The following ACTA2 variants were observed in gnomAD, a reference collection of about 807,000 sequenced individuals.
ACTA2 encodes the protein actin, aortic smooth muscle.
A neutral mutation model predicts 39.5 loss-of-function variants in ACTA2; 12 were observed. The observed-to-expected ratio is 0.30, with a 90% CI of 0.19 to 0.49. ACTA2 has a LOEUF of 0.49. ACTA2 is among the 20% of genes least tolerant of loss of function. The pLI is 0.99. For missense variants in ACTA2, 236 were observed against 498.8 expected, an observed-to-expected ratio of 0.47 and a Z score of 5.02; for synonymous variants, 158 against 180.6, an observed-to-expected ratio of 0.88 and a Z score of 1.00.
intron 3 of ACTA2, chr10:88,946,850 G>A (rs1185747680): frequency 4.0e-5 from 8 of 202,208 alleles, no homozygotes; most frequent in East Asian, 2.4e-4. Context: ...CCATTAACTC[G>A]TCATTTACAT....
chr10:88,984,033 G>A (rs1438518145), intron 1 of ACTA2, among the ~76,000 whole-genome samples: 1 of 152,046 alleles, frequency 6.6e-6, no homozygotes, highest in Non-Finnish European at 1.5e-5. Context: ...GGTTTCAGAT[G>A]GTAAAATGCC....
Position 88,935,302 on chromosome 10 carries a change from G to A in ACTA2, c.1055C>T (p.Ser352Phe). The A allele has an allele frequency of 6.2e-7, 1 of 1,613,998 alleles. No homozygotes were observed. The highest frequency in any genetic ancestry group is 1.1e-5 in the South Asian group (1 of 91,074). The change falls in exon 9 of 9, where the codon TCC becomes TTC. Residue 352 changes from serine (S) to phenylalanine (F), a missense_variant. Ser to Phe is a radical substitution (Grantham distance 155). Coordinates refer to ENST00000224784, the MANE Select transcript of ACTA2 (RefSeq NM_001613.4). ...WIGGSILASL[S>F]TFQQMWISKQ... ...GCTGATCCACATCTGCTGGAAGGTG[G>A]ACAGAGAGGCCAGGATGGAGCCACC... is the stretch of plus-strand genomic sequence containing the variant.
intron 1 of ACTA2, among the ~76,000 whole-genome samples, chr10:88,958,927 G>C (rs753672521): frequency 2.3e-4 from 35 of 152,130 alleles, no homozygotes; most frequent in Non-Finnish European, 4.6e-4. Flanking sequence ...TTGATTATTT[G>C]AATCATCACC....
At chr10:88,974,161 T>C (rs1846512037) in intron 1 of ACTA2, 1 of 152,028 alleles carries the variant, frequency 6.6e-6, no homozygotes, top group Non-Finnish European at 1.5e-5. Flanking sequence ...TCTTAAATTT[T>C]AAAACTAGAA....
At chr10:88,953,040 C>T (rs1288665741), upstream of ACTA2, among the ~76,000 whole-genome samples, 1 of 152,220 alleles carries the variant, frequency 6.6e-6, no homozygotes, top group Non-Finnish European at 1.5e-5. Flanking sequence ...TGCAGAAATG[C>T]CCAGAGACAC....
chr10:88,962,289 G>A (rs1292576638), intron 1 of ACTA2, among the ~76,000 whole-genome samples: 1 of 152,192 alleles, frequency 6.6e-6, no homozygotes, highest in Non-Finnish European at 1.5e-5. Flanking sequence ...AATGTTTGCT[G>A]TGGGTCTTCA....
chr10:88,980,576 C>T (rs1485608925), intron 1 of ACTA2, among the ~76,000 whole-genome samples: 1 of 152,174 alleles, frequency 6.6e-6, no homozygotes, highest in Non-Finnish European at 1.5e-5. Context: ...TACTGCTATT[C>T]CCTGAGGCCT....
intron 1 of ACTA2, chr10:88,989,416 AGAGAATGC>A: frequency 2.0e-6 from 1 of 505,656 alleles, no homozygotes; most frequent in South Asian, 1.5e-5. Context: ...GAGATAATAC[AGAGAATGC>A]CCATATACCA....
chr10:88,944,986 T>G (rs1845919817), intron 3 of ACTA2, among the ~76,000 whole-genome samples: 1 of 152,208 alleles, frequency 6.6e-6, no homozygotes, highest in East Asian at 1.9e-4. Flanking sequence ...TCTTTTGTTT[T>G]GGATTTGTGG....
rs533216598 is a variant in ACTA2, at chr10:88,991,013, C to G, written c.-98G>C. 17 of 1,498,380 alleles carry G rather than the reference C, an allele frequency of 1.1e-5. No individual in the cohort carries two copies. The South Asian group carries it at 1.7e-4, about 15-fold the overall frequency. 92.8% of individuals were successfully genotyped at this position (1,498,380 alleles called of 1,614,324 possible). A position where few individuals can be genotyped will look rare whatever the true frequency, so the allele number is the denominator to read the frequency against. ...GCGGGATTGCGGCGGCAGCGGCGCA[C>G]GCGGGCACCTGGGAGCGGCGGGCTG... is the stretch of plus-strand genomic sequence containing the variant. On this transcript the variant is annotated 5_prime_UTR_variant, in exon 1 of 5. Coordinates refer to the ACTA2 transcript ENST00000415557.
intron 7 of ACTA2, 53 bp from the exon 8 acceptor site, chr10:88,938,295 A>C: frequency 2.5e-6 from 4 of 1,588,242 alleles, no homozygotes; most frequent in Non-Finnish European, 3.5e-6. Flanking sequence ...AACCCAGGCT[A>C]GACATGGAAG....
rs759174021 is a variant in ACTA2, at chr10:88,990,836, G to A, written c.-24+103C>T. On this transcript the variant is annotated intron_variant, in intron 1 of 4. Coordinates refer to the ACTA2 transcript ENST00000415557. This position sits in a 1 kb window ranked among gnomAD's most constrained non-coding sequence, Gnocchi z 4.9. ...GGTTGGTGGACCCGCTCAGTACGGAGTTGGGGAAGCTCTTTCACTTCGGAG... is the reference window on the plus strand; with the variant it reads ...GGTTGGTGGACCCGCTCAGTACGGAATTGGGGAAGCTCTTTCACTTCGGAG... 6.2e-7 allele frequency: 1 copy of A among 1,614,218 alleles called. No homozygotes were observed. Among genetic ancestry groups the A allele is most frequent in the South Asian group, 1.1e-5 (1 of 91,090 alleles).
At chr10:88,962,779 A>G (rs1158579633) in intron 1 of ACTA2, among the ~76,000 whole-genome samples, 1 of 151,594 alleles carries the variant, frequency 6.6e-6, no homozygotes, top group Non-Finnish European at 1.5e-5. Context: ...GGTAACTTAT[A>G]AAGGAAAGAG....
chr10:88,953,778 C>T (rs905651126), upstream of ACTA2, among the ~76,000 whole-genome samples: 1 of 152,160 alleles, frequency 6.6e-6, no homozygotes, highest in Non-Finnish European at 1.5e-5. Context: ...CTCACGATAT[C>T]TGATGGTTTT....
chr10:88,977,471 T>C (rs1300135959), intron 1 of ACTA2, among the ~76,000 whole-genome samples: 2 of 152,090 alleles, frequency 1.3e-5, no homozygotes, highest in Non-Finnish European at 2.9e-5. Context: ...ATCAGATAGT[T>C]GTAGATATGC....
intron 1 of ACTA2, among the ~76,000 whole-genome samples, chr10:88,988,159 C>T (rs970658931): frequency 9.9e-5 from 15 of 152,132 alleles, no homozygotes; most frequent in African/African-American, 3.4e-4. Flanking sequence ...AGAACCCTGA[C>T]TAAAAGAACC....
At chr10:88,950,669 T>C (rs768971317) in intron 1 of ACTA2, among the ~76,000 whole-genome samples, 1 of 152,196 alleles carries the variant, frequency 6.6e-6, no homozygotes, top group African/African-American at 2.4e-5. Context: ...CAGATCACAG[T>C]GATTATGAGC....
intron 1 of ACTA2, among the ~76,000 whole-genome samples, chr10:88,979,569 C>A (rs1237234359): frequency 4.6e-5 from 7 of 152,026 alleles, no homozygotes; most frequent in South Asian, 2.1e-4. Flanking sequence ...CACACTAGGG[C>A]TGTTCTCTCT....
chr10:88,936,937 GA>G (rs1845752325), intron 8 of ACTA2, among the ~76,000 whole-genome samples: 1 of 152,034 alleles, frequency 6.6e-6, no homozygotes, highest in Admixed American at 6.6e-5. Context: ...TTCTATTCAA[GA>G]AACCAAGTTT....
Sources: gnomAD v4.1 joint callset for allele counts (sites outside exome capture counted in the v4.1 genomes callset) on GRCh38, gnomAD v4.1.1 for gene constraint, Gnocchi (gnomAD v3.1) non-coding constraint, MANE v1.5 for transcripts, NCBI Gene and HGNC (gene_info 2026-07-23, HGNC 2026-07-21) for gene names.